The following LDLRAD4 variants were observed in gnomAD, a reference collection of about 807,000 sequenced individuals.
LDLRAD4 encodes the protein low density lipoprotein receptor class A domain containing 4, also known as low-density lipoprotein receptor class A domain-containing protein 4.
LDLRAD4 carries 5 observed loss-of-function variants against 17.0 expected under a neutral mutation model. That is an observed-to-expected ratio of 0.29 (90% CI 0.15 to 0.62). The LOEUF is 0.62. Among genes scored for constraint, LDLRAD4 ranks in the 20% least tolerant of loss-of-function variants. LDLRAD4 has a pLI of 0.84. For missense variants in LDLRAD4, 340 were observed against 424.7 expected, an observed-to-expected ratio of 0.80 and a Z score of 1.75; for synonymous variants, 168 against 171.8, an observed-to-expected ratio of 0.98 and a Z score of 0.17.
At chr18:13,590,120 C>T (rs12957307) in intron 3 of LDLRAD4, among the ~76,000 whole-genome samples, 7 of 145,560 alleles carry the variant, frequency 4.8e-5, no homozygotes, top group African/African-American at 1.8e-4. Context: ...ACTGCATGTG[C>T]GTGGGTGTGC....
intron 1 of LDLRAD4, among the ~76,000 whole-genome samples, chr18:13,372,953 C>A (rs571507010): frequency 2.0e-5 from 3 of 152,324 alleles, no homozygotes; most frequent in African/African-American, 4.8e-5. Context: ...GCTCCAGTTG[C>A]GTCTTCATGT....
intron 1 of LDLRAD4, among the ~76,000 whole-genome samples, chr18:13,281,773 T>TA (rs2045293361): frequency 6.6e-6 from 1 of 152,146 alleles, no homozygotes; most frequent in African/African-American, 2.4e-5. Flanking sequence ...TGTCTCCTCT[T>TA]ACCTCCTGTC....
At chr18:13,307,722 A>G (rs2046996192) in intron 1 of LDLRAD4, among the ~76,000 whole-genome samples, 1 of 152,206 alleles carries the variant, frequency 6.6e-6, no homozygotes, top group Non-Finnish European at 1.5e-5. Context: ...CCTGGCCCCT[A>G]ATTTTTTAAA....
At chr18:13,387,824 A>G in intron 2 of LDLRAD4, 62 bp downstream of exon 3, 2 of 1,440,682 alleles carry the variant, frequency 1.4e-6, no homozygotes, top group Admixed American at 1.7e-5. Flanking sequence ...TAAACTCCCA[A>G]ACCACTGCAT....
Position 13,233,961 on chromosome 18 carries a change from G to A in LDLRAD4, c.-467+14973G>A, listed in dbSNP as rs544108078. On this transcript the variant is annotated intron_variant, in intron 1 of 5. Coordinates refer to the LDLRAD4 transcript ENST00000399848. ...CAGTCACCAGCATCCTTGTCTGCCC[G>A]TGGTTCAGGCCACACATCTCAGACA... 1.9e-4 allele frequency among the ~76,000 whole-genome samples: 29 copies of A among 152,176 alleles called. 1 individual carries two copies. In the Middle Eastern group the frequency reaches 0.017, roughly 89 times the overall value.
chr18:13,465,624 A>C (rs2092589634), intron 3 of LDLRAD4, among the ~76,000 whole-genome samples: 1 of 152,146 alleles, frequency 6.6e-6, no homozygotes, highest in Non-Finnish European at 1.5e-5. Flanking sequence ...GGCTCACAAC[A>C]CCTACAAACC....
intron 3 of LDLRAD4, among the ~76,000 whole-genome samples, chr18:13,592,813 A>G (rs1036814236): frequency 6.6e-6 from 1 of 152,212 alleles, no homozygotes; most frequent in East Asian, 1.9e-4. Flanking sequence ...AATTCCTTCT[A>G]TAAATTGTAG....
chr18:13,222,816 A>G (rs185976112), intron 1 of LDLRAD4, among the ~76,000 whole-genome samples: 16 of 152,200 alleles, frequency 1.1e-4, no homozygotes, highest in East Asian at 3.9e-4. Context: ...TCCTCTGAGC[A>G]GGGAAATCAG....
chr18:13,359,859 A>C (rs1455243314), intron 1 of LDLRAD4, among the ~76,000 whole-genome samples: 1 of 152,210 alleles, frequency 6.6e-6, no homozygotes, highest in Admixed American at 6.5e-5. Flanking sequence ...GATGCCTCCA[A>C]CCTGCTTTGC....
At chr18:13,643,291 T>TGCG in intron 4 of LDLRAD4, 68 bp from the exon 6 acceptor site, 1 of 1,004,744 alleles carries the variant, frequency 1.0e-6, no homozygotes, top group Non-Finnish European at 1.5e-6. Flanking sequence ...TGTTTTTAGG[T>TGCG]GCGGCGGGGC....
chr18:13,334,687 C>G (rs2082022579), intron 1 of LDLRAD4, among the ~76,000 whole-genome samples: 1 of 152,120 alleles, frequency 6.6e-6, no homozygotes, highest in Admixed American at 6.5e-5. Flanking sequence ...CTTTTATTTC[C>G]TTTCCTTTTC....
chr18:13,564,121 G>A (rs1188497924), intron 3 of LDLRAD4, among the ~76,000 whole-genome samples: 2 of 152,218 alleles, frequency 1.3e-5, no homozygotes, highest in East Asian at 3.8e-4. Context: ...GCCCAGGCTA[G>A]TCTTGAACTC....
intron 3 of LDLRAD4, among the ~76,000 whole-genome samples, chr18:13,591,662 T>C (rs1306048402): frequency 1.3e-5 from 2 of 152,198 alleles, no homozygotes; most frequent in African/African-American, 4.8e-5. Flanking sequence ...GTATTGGTAT[T>C]GGTAAAATAA....
At chr18:13,255,066 A>G (rs60576360) in intron 1 of LDLRAD4, among the ~76,000 whole-genome samples, 8,812 of 152,330 alleles carry the variant, frequency 0.058, 599 homozygotes, top group African/African-American at 0.16. Context: ...AATATGAAAT[A>G]TGAACAAATG....
intron 1 of LDLRAD4, among the ~76,000 whole-genome samples, chr18:13,353,857 A>G (rs931924027): frequency 1.3e-5 from 2 of 152,262 alleles, no homozygotes; most frequent in Non-Finnish European, 2.9e-5. Flanking sequence ...CTTAATGACT[A>G]TAGAACTTTG....
chr18:13,402,927 T>G (rs1364339568), intron 2 of LDLRAD4, among the ~76,000 whole-genome samples: 2 of 152,160 alleles, frequency 1.3e-5, no homozygotes, highest in African/African-American at 4.8e-5. Context: ...AATCAAAACT[T>G]AGAAACAACA....
At chr18:13,563,739 G>A (rs1222171840) in intron 3 of LDLRAD4, among the ~76,000 whole-genome samples, 1 of 152,166 alleles carries the variant, frequency 6.6e-6, no homozygotes, top group Non-Finnish European at 1.5e-5. Flanking sequence ...CAAATGCCTG[G>A]CCCCACGGGA....
At chr18:13,530,739 A>G (rs2094114209) in intron 3 of LDLRAD4, among the ~76,000 whole-genome samples, 1 of 152,154 alleles carries the variant, frequency 6.6e-6, no homozygotes, top group Non-Finnish European at 1.5e-5. Context: ...GCCAGGGCCC[A>G]GGGTGGACCC....
In LDLRAD4 at chr18:13,440,362, G is replaced by A. The variant is rs567402397; in HGVS notation, c.181+1978G>A. On this transcript the variant is annotated intron_variant, in intron 3 of 5. Coordinates refer to ENST00000359446, the Ensembl canonical transcript of LDLRAD4. The surrounding 1 kb of genome is among the most constrained non-coding windows in gnomAD (Gnocchi z 4.4). Reference sequence around the variant, plus strand: ...CTTTTCCACTCATTTTTTAAAATGCGAGCACTTTAATTCTGCCTAGAAGCC... The same window carrying A: ...CTTTTCCACTCATTTTTTAAAATGCAAGCACTTTAATTCTGCCTAGAAGCC... 3.3e-5 allele frequency among the ~76,000 whole-genome samples: 5 copies of A among 152,140 alleles called. No homozygotes were observed. Among genetic ancestry groups the A allele is most frequent in the South Asian group, 2.1e-4 (1 of 4,816 alleles).
Sources: gnomAD v4.1 joint callset for allele counts (sites outside exome capture counted in the v4.1 genomes callset) on GRCh38, gnomAD v4.1.1 for gene constraint, Gnocchi (gnomAD v3.1) non-coding constraint, MANE v1.5 for transcripts, NCBI Gene and HGNC (gene_info 2026-07-23, HGNC 2026-07-21) for gene names.